Variants in PRMT5 observed in about 807,000 individuals in gnomAD.
The protein encoded by PRMT5 is protein arginine methyltransferase 5, also known as protein arginine N-methyltransferase 5.
A neutral mutation model predicts 84.0 loss-of-function variants in PRMT5; 15 were observed. The observed-to-expected ratio is 0.18, with a 90% CI of 0.12 to 0.28. PRMT5 has a LOEUF of 0.28. PRMT5 is among the 10% of genes least tolerant of loss of function. The probability of loss-of-function intolerance (pLI) is 1.00; values close to 1 mark genes in which losing one functional copy is unlikely to be tolerated. For synonymous variants in PRMT5, 276 were observed against 292.4 expected, an observed-to-expected ratio of 0.94 and a Z score of 0.57; for missense variants, 486 against 808.0, an observed-to-expected ratio of 0.60 and a Z score of 4.83.
Position 22,920,741 on chromosome 14 carries a change from A to G in PRMT5, c.*163T>C. The G allele has an allele frequency of 2.8e-6, 3 of 1,060,984 alleles. No individual in the cohort carries two copies. Among genetic ancestry groups the G allele is most frequent in the Non-Finnish European group, 4.3e-6 (3 of 692,872 alleles). 65.7% of individuals were successfully genotyped at this position (1,060,984 alleles called of 1,614,324 possible). On this transcript the variant is annotated 3_prime_UTR_variant, in exon 17 of 17. Coordinates refer to ENST00000324366, the MANE Select transcript of PRMT5 (RefSeq NM_006109.5). ...ATTGGTGGCTTGAGCCCTGCAATTA[A>G]TTATAATCCCTTGCCCACCTTGATG...
At position 22,926,791 on chromosome 14, in the gene PRMT5, C is replaced by G; in HGVS notation, c.474G>C (p.Val158=). The change falls in exon 5 of 17, where the codon GTG becomes GTC. Residue 158 remains valine, a synonymous_variant. Transcript: ENST00000324366. Reference sequence around the variant, plus strand: ...TATCATCTCTCAGGTCCTCTGGTGCCACCAAGGGTACCCGCATCCAGAACT... The same window carrying G: ...TATCATCTCTCAGGTCCTCTGGTGCGACCAAGGGTACCCGCATCCAGAACT... The part of the protein sequence containing the change: ...SSMFWMRVPL[V]APEDLRDDII... The G allele has an allele frequency of 6.2e-7, 1 of 1,613,884 alleles. No individual in the cohort carries two copies. Among genetic ancestry groups the G allele is most frequent in the Non-Finnish European group, 8.5e-7 (1 of 1,179,768 alleles).
At chr14:22,922,891 A>G in intron 13 of PRMT5, 56 bp from the exon 14 acceptor site, 1 of 1,544,114 alleles carries the variant, frequency 6.5e-7, no homozygotes, top group Non-Finnish European at 8.9e-7. Context: ...AGAGAGAACT[A>G]CTTCCCCAAG....
chr14:22,926,302 T>G lies in PRMT5; in HGVS notation c.614-6A>C. On this transcript the variant is annotated splice_region_variant and splice_polypyrimidine_tract_variant and intron_variant, in intron 6 of 16. Coordinates refer to ENST00000324366, the MANE Select transcript of PRMT5 (RefSeq NM_006109.5). ...GTCAGCCCCAATTTCAAGAGCTACA[T>G]GAGGCAAAAGAAAAACTGTCAACCA... 4 of 1,612,822 alleles carry G rather than the reference T, an allele frequency of 2.5e-6. No homozygotes were observed. Among genetic ancestry groups the G allele is most frequent in the South Asian group, 1.1e-5 (1 of 90,996 alleles).
chr14:22,922,669 G>T, intron 14 of PRMT5, 73 bp downstream of exon 14: 1 of 1,532,350 alleles, frequency 6.5e-7, no homozygotes, highest in Admixed American at 1.7e-5. Context: ...ACTAGGGACA[G>T]TAAGGGAAGA....
At chr14:22,921,172 GA>G in intron 16 of PRMT5, 116 bp from the exon 17 acceptor site, 1 of 1,297,344 alleles carries the variant, frequency 7.7e-7, no homozygotes, top group South Asian at 1.3e-5. Flanking sequence ...CAACCCTCAT[GA>G]AAGTTATTTG....
chr14:22,922,434 G>T lies in PRMT5; in HGVS notation c.1696+9C>A. ...TCATACTCTGCCATCTACTGCCATAGACACTCACTCAGAGTGATGTCCTGA... is the reference window on the plus strand; with the variant it reads ...TCATACTCTGCCATCTACTGCCATATACACTCACTCAGAGTGATGTCCTGA... On this transcript the variant is annotated intron_variant, in intron 15 of 16. Coordinates refer to ENST00000324366, the MANE Select transcript of PRMT5 (RefSeq NM_006109.5). 1 of 1,594,300 alleles carries T rather than the reference G, an allele frequency of 6.3e-7. No homozygotes were observed. Among genetic ancestry groups the T allele is most frequent in the East Asian group, 2.2e-5 (1 of 44,778 alleles).
chr14:22,924,159 T>C lies in PRMT5; in HGVS notation c.1224A>G (p.Glu408=), dbSNP rs2044363878. Residue 408 remains glutamate (E), a synonymous_variant, in exon 12 of 17, where the codon GAA becomes GAG. Coordinates refer to ENST00000324366, the MANE Select transcript of PRMT5 (RefSeq NM_006109.5). This position sits in a 1 kb window ranked among gnomAD's most constrained non-coding sequence, Gnocchi z 6.5. ...VVTLENWQFE[E]WGSQVTVVSS... ...AGACTACGGTCACTTGGCTTCCCCA[T>C]TCTTCAAACTGCCAGTTCTCTAGCC... The C allele has an allele frequency of 6.2e-7, 1 of 1,611,032 alleles. No homozygotes were observed. Among genetic ancestry groups the C allele is most frequent in the African/African-American group, 1.3e-5 (1 of 74,814 alleles).
In PRMT5 at chr14:22,928,666, G is replaced by C. The variant is rs772140036; in HGVS notation, c.111-51C>G. ...ATGTAAAGACAGCAGCAGTGCCAGAGAGCCAAGCAACTGGATTTAGGCTAT... is the reference window on the plus strand; with the variant it reads ...ATGTAAAGACAGCAGCAGTGCCAGACAGCCAAGCAACTGGATTTAGGCTAT... On this transcript the variant is annotated intron_variant, in intron 1 of 16. Coordinates refer to ENST00000324366, the MANE Select transcript of PRMT5 (RefSeq NM_006109.5). This position sits in a 1 kb window ranked among gnomAD's most constrained non-coding sequence, Gnocchi z 4.8. 2 of 1,393,766 alleles carry C rather than the reference G, an allele frequency of 1.4e-6. No homozygotes were observed. The highest frequency in any genetic ancestry group is 2.3e-5 in the South Asian group (2 of 86,554). 86.3% of individuals were successfully genotyped at this position (1,393,766 alleles called of 1,614,324 possible). A position where few individuals can be genotyped will look rare whatever the true frequency, so the allele number is the denominator to read the frequency against.
chr14:22,924,666 T>C lies in PRMT5; in HGVS notation c.983A>G (p.Glu328Gly). 6.2e-7 allele frequency: 1 copy of C among 1,614,158 alleles called. No individual in the cohort carries two copies. The highest frequency in any genetic ancestry group is 8.5e-7 in the Non-Finnish European group (1 of 1,180,022). ...CTGAGAGTATTTGATGGGGTCCTTT[T>C]CAAACACTTCATATGTCTGAGATTC... is the stretch of plus-strand genomic sequence containing the variant. ...NLESQTYEVF[E>G]KDPIKYSQYQ... The change falls in exon 9 of 17, where the codon GAA (glutamate) becomes GGA (glycine). Residue 328 changes from glutamate to glycine, a missense_variant. By Grantham distance (98) the Glu-to-Gly change is moderately conservative (BLOSUM62 -2). Transcript: ENST00000324366. The surrounding 1 kb of genome is among the most constrained non-coding windows in gnomAD (Gnocchi z 6.5).
At chr14:22,926,091 G>T (rs755655967) in intron 7 of PRMT5, 42 bp downstream of exon 7, 2 of 1,536,306 alleles carry the variant, frequency 1.3e-6, no homozygotes, top group Non-Finnish European at 8.9e-7. Flanking sequence ...AATAAGGCAA[G>T]ATGTATAGCT....
chr14:22,927,311 C>T (rs377678127), intron 4 of PRMT5, among the ~76,000 whole-genome samples: 5 of 152,044 alleles, frequency 3.3e-5, no homozygotes, highest in Middle Eastern at 3.4e-3. Flanking sequence ...GATTTCACCA[C>T]GCTGCCCAAG....
Position 22,926,223 on chromosome 14 carries a change from G to A in PRMT5, c.687C>T (p.Ala229=). Residue 229 remains alanine (A), a synonymous_variant, in exon 7 of 17, where the codon GCC becomes GCT. Coordinates refer to ENST00000324366, the MANE Select transcript of PRMT5 (RefSeq NM_006109.5). ...TCAGGAAAATGCTAGTGGGGAGAAT[G>A]GCTGCTTTGATGGGCTCCCCAAGCC... is the stretch of plus-strand genomic sequence containing the variant. ...DRWLGEPIKA[A]ILPTSIFLTN... The A allele has an allele frequency of 6.2e-7, 1 of 1,613,648 alleles. No homozygotes were observed. Among genetic ancestry groups the A allele is most frequent in the South Asian group, 1.1e-5 (1 of 91,064 alleles).
intron 4 of PRMT5, 87 bp downstream of exon 4, chr14:22,927,439 C>A: frequency 6.4e-7 from 1 of 1,552,218 alleles, no homozygotes; most frequent in Admixed American, 1.7e-5. Flanking sequence ...CCAAACACAC[C>A]CTTCACTGAA....
rs771563709 is a variant in PRMT5 at position 22,924,428 on chromosome 14, A to C, written c.1077-36T>G. 6.2e-7 allele frequency: 1 copy of C among 1,613,944 alleles called. No homozygotes were observed. Among genetic ancestry groups the C allele is most frequent in the East Asian group, 2.2e-5 (1 of 44,884 alleles). On this transcript the variant is annotated intron_variant, in intron 10 of 16. Coordinates refer to ENST00000324366, the MANE Select transcript of PRMT5 (RefSeq NM_006109.5). The surrounding 1 kb of genome is among the most constrained non-coding windows in gnomAD (Gnocchi z 6.5). Reference sequence around the variant, plus strand: ...AAGGGAAGAGTCAAGCAGACTTGGCATATACAGATATAGGTATGCAAGTCC... The same window carrying C: ...AAGGGAAGAGTCAAGCAGACTTGGCCTATACAGATATAGGTATGCAAGTCC...
chr14:22,922,847 A>G lies in PRMT5; in HGVS notation c.1486-12T>C, dbSNP rs372650579. On this transcript the variant is annotated splice_polypyrimidine_tract_variant and intron_variant, in intron 13 of 16. Coordinates refer to ENST00000324366, the MANE Select transcript of PRMT5 (RefSeq NM_006109.5). ...ATCTCAAACTGGGCCTGTCAGAGAC[A>G]GAAAGAGAGAGAGAGTGTTGGGGAA... 4 of 1,609,640 alleles carry G rather than the reference A, an allele frequency of 2.5e-6. No homozygotes were observed. The East Asian group carries it at 6.7e-5, about 27-fold the overall frequency.
At chr14:22,921,112 T>C in intron 16 of PRMT5, 56 bp from the exon 17 acceptor site, 3 of 1,592,930 alleles carry the variant, frequency 1.9e-6, no homozygotes, top group Middle Eastern at 1.7e-4. Flanking sequence ...TACATGGCAA[T>C]GTATTAAGGT....
chr14:22,921,337 T>C (rs2139211859), intron 16 of PRMT5, among the ~76,000 whole-genome samples: 1 of 152,192 alleles, frequency 6.6e-6, no homozygotes, highest in Middle Eastern at 3.4e-3. Context: ...ACCTAGAAGA[T>C]AGGTTAACTG....
chr14:22,929,165 AC>A, intron 1 of PRMT5, 86 bp downstream of exon 1: 1 of 1,612,754 alleles, frequency 6.2e-7, no homozygotes, highest in Non-Finnish European at 8.5e-7. Flanking sequence ...CGACCCCCTC[AC>A]CCCTGCTTCT....
intron 16 of PRMT5, among the ~76,000 whole-genome samples, chr14:22,921,911 A>T (rs1390074361): frequency 1.3e-5 from 2 of 150,052 alleles, no homozygotes; most frequent in East Asian, 3.9e-4. Flanking sequence ...AAAAGACAGC[A>T]AGAGAGATAA....
Sources: gnomAD v4.1 joint callset for allele counts (sites outside exome capture counted in the v4.1 genomes callset) on GRCh38, gnomAD v4.1.1 for gene constraint, Gnocchi (gnomAD v3.1) non-coding constraint, MANE v1.5 for transcripts, NCBI Gene and HGNC (gene_info 2026-07-23, HGNC 2026-07-21) for gene names.